PTN: variants seen among roughly 807,000 people sequenced by gnomAD.
PTN encodes heparin affin regulatory protein.
Under a neutral mutation model 24.1 loss-of-function variants are expected in PTN, and 18 were observed. The ratio of observed to expected loss-of-function variants is 0.75; its 90% CI spans 0.52 to 1.11. The LOEUF is 1.11. Among genes scored for constraint, PTN ranks in the 50% least tolerant of loss-of-function variants. The pLI, the probability that PTN is intolerant of heterozygous loss-of-function variation, is 0.00. For synonymous variants in PTN, 78 were observed against 68.6 expected (o/e 1.14, Z -0.67); for missense variants, 163 against 198.8 (o/e 0.82, Z 1.08).
At chr7:137,314,093 G>A (rs150526628) in intron 1 of PTN, among the ~76,000 whole-genome samples, 1,599 of 152,084 alleles carry the variant, frequency 0.011, 31 homozygotes, top group African/African-American at 0.037. Context: ...TGATGAGCGG[G>A]ACTAGAAAAT....
intron 1 of PTN, among the ~76,000 whole-genome samples, chr7:137,315,426 A>C (rs1810056344): frequency 6.6e-6 from 1 of 152,250 alleles, no homozygotes; most frequent in Admixed American, 6.5e-5. Flanking sequence ...TGGTAGCCTT[A>C]AAGGAATCTC....
intron 1 of PTN, among the ~76,000 whole-genome samples, chr7:137,277,016 T>C (rs191695566): frequency 3.9e-5 from 6 of 152,344 alleles, no homozygotes; most frequent in Admixed American, 3.3e-4. Context: ...ATATAAATTA[T>C]ACAACTATAT....
Position 137,254,967 on chromosome 7 carries a change from C to T in PTN, c.7G>A (p.Ala3Thr). ...CGACGCTGCTGCTGGTACTGTTGAG[C>T]CTGCATTCTAGGAATAAACAGAGAA... is the stretch of plus-strand genomic sequence containing the variant. Reference protein sequence around the residue: MQAQQYQQQRRKF... With the variant: MQTQQYQQQRRKF... Residue 3 changes from alanine to threonine, a missense_variant, in exon 2 of 5, where the codon GCT (alanine) becomes ACT (threonine). Physicochemically the swap from Ala to Thr is moderately conservative, Grantham distance 58 (BLOSUM62 0). Transcript: ENST00000348225. 1 of 1,538,474 alleles carries T rather than the reference C, an allele frequency of 6.5e-7. No individual in the cohort carries two copies.
At chr7:137,291,127 G>T (rs10247519) in intron 1 of PTN, among the ~76,000 whole-genome samples, 55,271 of 151,910 alleles carry the variant, frequency 0.36, 10,812 homozygotes, top group Non-Finnish European at 0.44. Context: ...ATGAGAAGTT[G>T]TTTATTCTGT....
intron 1 of PTN, among the ~76,000 whole-genome samples, chr7:137,297,215 A>T (rs1809732112): frequency 6.6e-6 from 1 of 152,254 alleles, no homozygotes; most frequent in African/African-American, 2.4e-5. Flanking sequence ...CTGTACCATC[A>T]TTTCACTCAC....
intron 1 of PTN, among the ~76,000 whole-genome samples, chr7:137,288,389 G>T (rs1233639396): frequency 6.6e-6 from 1 of 152,106 alleles, no homozygotes; most frequent in East Asian, 1.9e-4. Context: ...TCTCAATTTT[G>T]TCCCTCAGTT....
chr7:137,319,348 AC>A (rs1810125527), intron 1 of PTN, among the ~76,000 whole-genome samples: 1 of 152,160 alleles, frequency 6.6e-6, no homozygotes, highest in Admixed American at 6.5e-5. Flanking sequence ...ACAAAGGGTA[AC>A]CTTTTACTTT....
At chr7:137,309,664 C>G (rs917877504) in intron 1 of PTN, among the ~76,000 whole-genome samples, 10 of 152,112 alleles carry the variant, frequency 6.6e-5, no homozygotes, top group Non-Finnish European at 5.9e-5. Flanking sequence ...GAGAAGCTTC[C>G]ATCTCAAGAA....
intron 4 of PTN, among the ~76,000 whole-genome samples, chr7:137,243,719 T>C (rs558911604): frequency 1.3e-5 from 2 of 152,172 alleles, no homozygotes; most frequent in Admixed American, 1.3e-4. Context: ...AGGGGCCAAA[T>C]GTGGGGAGAT....
chr7:137,321,412 A>G lies in PTN; in HGVS notation c.-2+22027T>C, dbSNP rs185686958. On this transcript the variant is annotated intron_variant, in intron 1 of 4. Transcript: ENST00000348225. ...TATTGACTTCTCCCTCTCACAGTTC[A>G]TATTTCATCACCTAAAAAAGGTAAT... Among the ~76,000 whole-genome samples the G allele has an allele frequency of 7.7e-4, 117 of 152,318 alleles. 1 individual carries two copies. Among genetic ancestry groups the G allele is most frequent in the Non-Finnish European group, 1.3e-3 (88 of 68,020 alleles).
intron 1 of PTN, among the ~76,000 whole-genome samples, chr7:137,304,387 T>C (rs1809853655): frequency 6.6e-6 from 1 of 151,820 alleles, no homozygotes; most frequent in African/African-American, 2.4e-5. Context: ...ACTGAATAGC[T>C]AAGTGGAAAA....
intron 4 of PTN, among the ~76,000 whole-genome samples, chr7:137,241,868 A>T (rs1423122209): frequency 1.3e-5 from 2 of 152,158 alleles, no homozygotes; most frequent in African/African-American, 4.8e-5. Context: ...AAGGGCAGTA[A>T]TCATCAACCT....
chr7:137,302,210 C>A (rs200303786), intron 1 of PTN, among the ~76,000 whole-genome samples: 1 of 151,914 alleles, frequency 6.6e-6, no homozygotes, highest in African/African-American at 2.4e-5. Context: ...CTTGTGTTAT[C>A]CCCATCTTCC....
intron 1 of PTN, among the ~76,000 whole-genome samples, chr7:137,336,026 C>T (rs1011623687): frequency 9.9e-5 from 15 of 151,684 alleles, no homozygotes; most frequent in African/African-American, 3.1e-4. Flanking sequence ...TACCTTCAAG[C>T]AACTTAGGCA....
intron 4 of PTN, among the ~76,000 whole-genome samples, chr7:137,236,836 A>G (rs965145243): frequency 3.9e-5 from 6 of 152,140 alleles, no homozygotes; most frequent in African/African-American, 1.2e-4. Context: ...CACTTAGCTA[A>G]TCATTATTTT....
chr7:137,281,692 G>T (rs6970674), intron 1 of PTN, among the ~76,000 whole-genome samples: 105,150 of 152,066 alleles, frequency 0.69, 36,906 homozygotes, highest in African/African-American at 0.78. Context: ...ATTTGCTAAT[G>T]TATTTATAGC....
chr7:137,324,433 A>AAAAAAAAAAAAAAAAT lies in PTN; in HGVS notation c.-2+19005_-2+19006insATTTTTTTTTTTTTTT. 8.3e-4 allele frequency among the ~76,000 whole-genome samples: 74 copies of AAAAAAAAAAAAAAAAT among 88,750 alleles called. 2 individuals carry two copies. Among genetic ancestry groups the AAAAAAAAAAAAAAAAT allele is most frequent in the African/African-American group, 4.8e-3 (70 of 14,472 alleles). The allele number at this position is 88,750 out of a possible 152,430, so 58.2% of individuals were successfully genotyped here. On this transcript the variant is annotated intron_variant, in intron 1 of 4. Coordinates refer to ENST00000348225, the MANE Select transcript of PTN (RefSeq NM_002825.7). The stretch of plus-strand genomic sequence containing the variant: ...CCCTGTCTCTAAAAAAAAAAAAAAA[A>AAAAAAAAAAAAAAAAT]ATATATATATATATATATAAATTAA...
In PTN at chr7:137,304,383, T is replaced by C. The variant is rs148845531; in HGVS notation, c.-2+39056A>G. Among the ~76,000 whole-genome samples the C allele has an allele frequency of 2.0e-4, 31 of 151,958 alleles. No individual in the cohort carries two copies. In the East Asian group the frequency reaches 5.3e-3, roughly 26 times the overall value. The stretch of plus-strand genomic sequence containing the variant: ...CACTTTCTGTCTCCATGGAACTGAA[T>C]AGCTAAGTGGAAAAATGGGAGCAGG... On this transcript the variant is annotated intron_variant, in intron 1 of 4. Coordinates refer to ENST00000348225, the MANE Select transcript of PTN (RefSeq NM_002825.7).
chr7:137,259,397 A>G (rs1808992979), intron 1 of PTN, among the ~76,000 whole-genome samples: 1 of 152,004 alleles, frequency 6.6e-6, no homozygotes, highest in Admixed American at 6.6e-5. Context: ...TATACCACCT[A>G]CTTTTTGAGT....
Sources: gnomAD v4.1 joint callset for allele counts (sites outside exome capture counted in the v4.1 genomes callset) on GRCh38, gnomAD v4.1.1 for gene constraint, MANE v1.5 for transcripts, NCBI Gene and HGNC (gene_info 2026-07-23, HGNC 2026-07-21) for gene names.